The following SLC7A8 variants were observed in gnomAD, a reference collection of about 807,000 sequenced individuals.
SLC7A8 encodes the protein solute carrier family 7 member 8, also known as large neutral amino acids transporter small subunit 2.
SLC7A8 carries 30 observed loss-of-function variants against 51.2 expected under a neutral mutation model. That is an observed-to-expected ratio of 0.59 (90% CI 0.44 to 0.80). The LOEUF (loss-of-function observed/expected upper bound fraction) is 0.80, where lower values mean the gene tolerates loss of function less well. Among genes scored for constraint, SLC7A8 ranks in the 30% least tolerant of loss-of-function variants. The pLI is 0.00. For missense variants in SLC7A8, 612 were observed against 674.4 expected (o/e 0.91, Z 1.03); for synonymous variants, 257 against 275.8 (o/e 0.93, Z 0.67).
intron 4 of SLC7A8, among the ~76,000 whole-genome samples, chr14:23,141,634 A>T (rs745311308): frequency 3.3e-5 from 5 of 151,638 alleles, no homozygotes; most frequent in Non-Finnish European, 5.9e-5. Flanking sequence ...TTGTATTTTT[A>T]GTAGATACAG....
intron 3 of SLC7A8, among the ~76,000 whole-genome samples, chr14:23,144,194 G>A (rs540152262): frequency 6.6e-6 from 1 of 152,216 alleles, no homozygotes; most frequent in African/African-American, 2.4e-5. Context: ...ATGAGATCCT[G>A]GGCCATAGAG....
At chr14:23,167,124 G>T (rs1466109672) in intron 1 of SLC7A8, among the ~76,000 whole-genome samples, 1 of 152,228 alleles carries the variant, frequency 6.6e-6, no homozygotes, top group Non-Finnish European at 1.5e-5. Flanking sequence ...ACTCCTGGAG[G>T]CTGGCTTCTA....
chr14:23,144,507 C>T (rs761873), intron 3 of SLC7A8, among the ~76,000 whole-genome samples: 28,027 of 151,974 alleles, frequency 0.18, 2,918 homozygotes, highest in South Asian at 0.31. Context: ...TAATTCTCTA[C>T]AAAAAATTTT....
At chr14:23,167,332 A>C (rs560819298) in intron 1 of SLC7A8, among the ~76,000 whole-genome samples, 1 of 151,820 alleles carries the variant, frequency 6.6e-6, no homozygotes, top group Non-Finnish European at 1.5e-5. Context: ...GGAGAGGGGC[A>C]GGTACTTCCC....
chr14:23,158,590 C>T (rs549401862), intron 3 of SLC7A8, among the ~76,000 whole-genome samples: 7 of 152,220 alleles, frequency 4.6e-5, no homozygotes, highest in African/African-American at 1.2e-4. Flanking sequence ...GTGATCCACC[C>T]GCCTCAGCCT....
chr14:23,166,157 G>A (rs2048948767), intron 2 of SLC7A8, among the ~76,000 whole-genome samples, 179 bp downstream of exon 2: 1 of 152,030 alleles, frequency 6.6e-6, no homozygotes, highest in African/African-American at 2.4e-5. Flanking sequence ...AGCCTCAAGG[G>A]GATACAAGGC....
intron 7 of SLC7A8, among the ~76,000 whole-genome samples, chr14:23,133,596 G>A (rs1490932453): frequency 4.6e-5 from 7 of 152,224 alleles, no homozygotes; most frequent in African/African-American, 1.7e-4. Context: ...GGAGGCTGAG[G>A]TGGGTGAATC....
At position 23,174,878 on chromosome 14, in the gene SLC7A8, G is replaced by GCC. The variant is rs1437739887; in HGVS notation, c.151+7884_151+7885dup. 2.6e-5 allele frequency among the ~76,000 whole-genome samples: 4 copies of GCC among 152,278 alleles called. No homozygotes were observed. In the East Asian group the frequency reaches 7.7e-4, roughly 29 times the overall value. On this transcript the variant is annotated intron_variant, in intron 1 of 10. Transcript: ENST00000316902. ...AAACATTGGAAAGAAACAGTTTCTA[G>GCC]CCCCCTGGGTTCCTGAATGGCTCTT...
chr14:23,137,793 C>T (rs908976177), intron 7 of SLC7A8, 128 bp downstream of exon 7: 7 of 1,180,818 alleles, frequency 5.9e-6, no homozygotes, highest in Non-Finnish European at 5.9e-6. Flanking sequence ...GAGCAGTCAC[C>T]CCTCTGCAAG....
intron 1 of SLC7A8, among the ~76,000 whole-genome samples, chr14:23,179,906 CTTTT>C (rs33938109): frequency 2.3e-5 from 3 of 131,122 alleles, no homozygotes; most frequent in Admixed American, 7.5e-5. Flanking sequence ...CTCTTTTTGA[CTTTT>C]TTTTTTTTTT....
intron 3 of SLC7A8, among the ~76,000 whole-genome samples, chr14:23,162,593 G>T (rs1011620792): frequency 3.9e-5 from 6 of 152,164 alleles, no homozygotes; most frequent in Non-Finnish European, 5.9e-5. Context: ...TCCTTGGCTT[G>T]GTCCTTGCAG....
intron 3 of SLC7A8, among the ~76,000 whole-genome samples, chr14:23,153,441 T>C (rs2140326336): frequency 6.6e-6 from 1 of 152,220 alleles, no homozygotes; most frequent in Admixed American, 6.5e-5. Context: ...ACATCATCTC[T>C]CCTCCTGCTT....
At chr14:23,166,781 C>G (rs1439475188) in intron 1 of SLC7A8, among the ~76,000 whole-genome samples, 1 of 152,190 alleles carries the variant, frequency 6.6e-6, no homozygotes, top group African/African-American at 2.4e-5. Flanking sequence ...ATTTAATCCT[C>G]AGGATGACAC....
At position 23,158,131 on chromosome 14, in the gene SLC7A8, C is replaced by A. The variant is rs570814912; in HGVS notation, c.508+7154G>T. Among the ~76,000 whole-genome samples the A allele has an allele frequency of 5.9e-5, 9 of 152,220 alleles. No homozygotes were observed. In the South Asian group the frequency reaches 1.9e-3, roughly 32 times the overall value. ...AGAGTCTTTCGGTTTATTGTTGTCT[C>A]CCCCGTGCCAAGAACAGTAACTAGC... On this transcript the variant is annotated intron_variant, in intron 3 of 10. Transcript: ENST00000316902.
intron 1 of SLC7A8, among the ~76,000 whole-genome samples, chr14:23,167,179 C>T (rs910172126): frequency 1.3e-5 from 2 of 152,156 alleles, no homozygotes; most frequent in African/African-American, 4.8e-5. Context: ...CATAAAATAA[C>T]TCTATAAAAA....
Position 23,128,229 on chromosome 14 carries a change from T to C in SLC7A8, c.1264-33A>G. ...GCAGAGGCATGAGGCGTATGAACTG[T>C]GTAGGCCACGTGGCCCCCAGGACTA... On this transcript the variant is annotated intron_variant, in intron 9 of 10. Coordinates refer to ENST00000316902, the MANE Select transcript of SLC7A8 (RefSeq NM_012244.4). The surrounding 1 kb of genome is among the most constrained non-coding windows in gnomAD (Gnocchi z 4.3). 1 of 1,612,554 alleles carries C rather than the reference T, an allele frequency of 6.2e-7. No homozygotes were observed. The highest frequency in any genetic ancestry group is 1.3e-5 in the African/African-American group (1 of 74,992).
At chr14:23,133,759 G>C (rs1256264478) in intron 7 of SLC7A8, among the ~76,000 whole-genome samples, 1 of 152,104 alleles carries the variant, frequency 6.6e-6, no homozygotes, top group Admixed American at 6.5e-5. Context: ...GGAAGGTGGA[G>C]GTTGCAGTGA....
intron 1 of SLC7A8, among the ~76,000 whole-genome samples, chr14:23,181,006 C>A (rs937587119): frequency 2.0e-5 from 3 of 151,698 alleles, no homozygotes; most frequent in African/African-American, 4.8e-5. Context: ...CAGCCTGGGC[C>A]ACAGAGCGAG....
intron 7 of SLC7A8, among the ~76,000 whole-genome samples, chr14:23,134,048 C>T (rs552424527): frequency 3.3e-5 from 5 of 152,156 alleles, no homozygotes; most frequent in African/African-American, 1.2e-4. Context: ...TCAAATGATC[C>T]TCCTGTCTCA....
Sources: allele counts gnomAD v4.1 joint callset (sites outside exome capture counted in the v4.1 genomes callset), GRCh38; gene constraint gnomAD v4.1.1; non-coding constraint Gnocchi (gnomAD v3.1); transcripts MANE v1.5; gene names NCBI Gene and HGNC (gene_info 2026-07-23, HGNC 2026-07-21).